Variants in IFT74 observed in about 807,000 individuals in gnomAD.
IFT74 encodes intraflagellar transport 74.
IFT74 carries 92 observed loss-of-function variants against 96.7 expected under a neutral mutation model. The ratio of observed to expected loss-of-function variants is 0.95; its 90% CI spans 0.80 to 1.13. IFT74 has a LOEUF of 1.13. IFT74 is among the 50% of genes most tolerant of loss of function. The probability of loss-of-function intolerance (pLI) is 0.00; values close to 1 mark genes in which losing one functional copy is unlikely to be tolerated. For synonymous variants in IFT74, 223 were observed against 213.2 expected, an observed-to-expected ratio of 1.05 and a Z score of -0.40; for missense variants, 811 against 698.2, an observed-to-expected ratio of 1.16 and a Z score of -1.82.
chr9:26,984,220 A>T, intron 4 of IFT74, 37 bp from the exon 5 acceptor site: 2 of 1,495,418 alleles, frequency 1.3e-6, no homozygotes, highest in Non-Finnish European at 1.8e-6. Flanking sequence ...TTTCTGGATT[A>T]AAAGTATTGC....
intron 13 of IFT74, among the ~76,000 whole-genome samples, chr9:27,029,609 G>C (rs1035586519): frequency 6.6e-6 from 1 of 152,124 alleles, no homozygotes; most frequent in African/African-American, 2.4e-5. Context: ...TTAGCCGGGC[G>C]TGGTGGCACA....
rs116087188 is a variant in IFT74 at position 26,976,913 on chromosome 9, T to C, written c.121-1215T>C. 1,178 of 393,458 alleles carry C rather than the reference T, an allele frequency of 3.0e-3. 17 individuals are homozygous for C. The highest frequency in any genetic ancestry group is 0.022 in the African/African-American group (1,070 of 48,028). 24.4% of individuals were successfully genotyped at this position (393,458 alleles called of 1,614,324 possible). A position where few individuals can be genotyped will look rare whatever the true frequency, so the allele number is the denominator to read the frequency against. Reference sequence around the variant, plus strand: ...AATAATATGAATGCTTGTTTAACAATGTAAGCCCTTTAGTACTTACATGGT... The same window carrying C: ...AATAATATGAATGCTTGTTTAACAACGTAAGCCCTTTAGTACTTACATGGT... On this transcript the variant is annotated intron_variant, in intron 2 of 19. Transcript: ENST00000380062.
In IFT74 at chr9:27,016,954, A is replaced by G; in HGVS notation, c.837A>G (p.Glu279=). ...QVKQEAVLLH[E]KLYELESHRD... ...AACAGGAGGCGGTATTGCTGCATGA[A>G]AAACTTTATGAGTTGGAGTCCCATC... The change falls in exon 11 of 20, where the codon GAA becomes GAG. Residue 279 remains glutamate (E), a synonymous_variant. Transcript: ENST00000380062. 3 of 1,611,294 alleles carry G rather than the reference A, an allele frequency of 1.9e-6. No homozygotes were observed. The highest frequency in any genetic ancestry group is 2.5e-6 in the Non-Finnish European group (3 of 1,178,580).
At chr9:27,056,958 A>G (rs184459331) in intron 18 of IFT74, among the ~76,000 whole-genome samples, 101 of 152,204 alleles carry the variant, frequency 6.6e-4, no homozygotes, top group Non-Finnish European at 6.9e-4. Flanking sequence ...ATTTCTATGC[A>G]TTTATAGAAA....
intron 13 of IFT74, among the ~76,000 whole-genome samples, chr9:27,038,832 C>A (rs1423198614): frequency 6.6e-6 from 1 of 152,200 alleles, no homozygotes; most frequent in Non-Finnish European, 1.5e-5. Flanking sequence ...TATGATCCTT[C>A]AGTGGAACAA....
intron 12 of IFT74, among the ~76,000 whole-genome samples, chr9:27,027,940 G>A (rs116607026): frequency 6.6e-6 from 1 of 152,082 alleles, no homozygotes; most frequent in Non-Finnish European, 1.5e-5. Context: ...TGGTAATTTA[G>A]TTCTTACATT....
At chr9:26,950,739 T>C (rs1825907274) in intron 1 of IFT74, among the ~76,000 whole-genome samples, 1 of 152,232 alleles carries the variant, frequency 6.6e-6, no homozygotes, top group Non-Finnish European at 1.5e-5. Context: ...CACTGTCTGC[T>C]CAACTGAACT....
chr9:26,972,060 G>T (rs1826905003), intron 2 of IFT74, among the ~76,000 whole-genome samples: 1 of 152,062 alleles, frequency 6.6e-6, no homozygotes, highest in Non-Finnish European at 1.5e-5. Flanking sequence ...TGTCTTGAAG[G>T]GAGTTTCTCT....
chr9:26,947,347 G>A (rs1466177588), intron 1 of IFT74: 4 of 378,034 alleles, frequency 1.1e-5, no homozygotes, highest in South Asian at 5.0e-5. Context: ...TTTCCTCCAG[G>A]GCTCTGGACT....
At position 27,055,646 on chromosome 9, in the gene IFT74, G is replaced by A; in HGVS notation, c.1371G>A (p.Glu457=). ...TGCAGTTGGATCTGCAGAAAATGGAGCTTCTAGAAAGTAAGATGACTGAAG... is the reference window on the plus strand; with the variant it reads ...TGCAGTTGGATCTGCAGAAAATGGAACTTCTAGAAAGTAAGATGACTGAAG... ...QRLQLDLQKM[E]LLESKMTEEQ... The change falls in exon 17 of 20, where the codon GAG becomes GAA. Residue 457 remains glutamate, a synonymous_variant. Coordinates refer to ENST00000380062, the MANE Select transcript of IFT74 (RefSeq NM_025103.4). 1.3e-6 allele frequency: 2 copies of A among 1,586,430 alleles called. No individual in the cohort carries two copies. The highest frequency in any genetic ancestry group is 1.7e-6 in the Non-Finnish European group (2 of 1,170,088).
chr9:26,999,772 T>A, intron 8 of IFT74: 101 of 313,722 alleles, frequency 3.2e-4, no homozygotes, highest in Non-Finnish European at 4.3e-4. Flanking sequence ...TGTTTATTCT[T>A]TTTTTTTTTT....
At chr9:26,957,129 G>C (rs1171442664) in intron 1 of IFT74, among the ~76,000 whole-genome samples, 1 of 152,192 alleles carries the variant, frequency 6.6e-6, no homozygotes, top group Admixed American at 6.5e-5. Context: ...GCCTCTCTGT[G>C]TGAATAATTG....
chr9:27,033,578 A>G (rs2131657109), intron 13 of IFT74, among the ~76,000 whole-genome samples: 1 of 151,246 alleles, frequency 6.6e-6, no homozygotes, highest in South Asian at 2.1e-4. Context: ...TGTCTCAAAA[A>G]AAAAAAAAAA....
At chr9:26,994,747 A>T (rs1828056629) in intron 8 of IFT74, 1 of 152,588 alleles carries the variant, frequency 6.6e-6, no homozygotes, top group African/African-American at 2.4e-5. Flanking sequence ...CCACATGAAG[A>T]TTCCTTAGTG....
At chr9:26,960,153 C>T (rs1053515899) in intron 1 of IFT74, among the ~76,000 whole-genome samples, 2 of 152,094 alleles carry the variant, frequency 1.3e-5, no homozygotes, top group Non-Finnish European at 2.9e-5. Context: ...TGGCATGGCT[C>T]AGATTCCTGC....
intron 13 of IFT74, among the ~76,000 whole-genome samples, chr9:27,034,974 C>T (rs1680325791): frequency 6.6e-6 from 1 of 152,108 alleles, no homozygotes. Context: ...GAGGTAATTA[C>T]AGTACCTACC....
intron 13 of IFT74, among the ~76,000 whole-genome samples, chr9:27,030,437 A>G (rs1830066931): frequency 6.6e-6 from 1 of 150,780 alleles, no homozygotes; most frequent in South Asian, 2.1e-4. Context: ...AATCTCAGCT[A>G]CTTGGGAGGC....
intron 19 of IFT74, 93 bp downstream of exon 19, chr9:27,060,744 G>A (rs1266898887): frequency 2.5e-6 from 2 of 791,938 alleles, no homozygotes; most frequent in African/African-American, 3.5e-5. Flanking sequence ...GGGCCACAAG[G>A]TCAGGAGATT....
intron 1 of IFT74, among the ~76,000 whole-genome samples, chr9:26,949,032 C>T (rs1427339353): frequency 6.6e-6 from 1 of 152,096 alleles, no homozygotes; most frequent in Non-Finnish European, 1.5e-5. Flanking sequence ...CTCTGGGGAA[C>T]CAATGCAGTT....
Sources: allele counts gnomAD v4.1 joint callset (sites outside exome capture counted in the v4.1 genomes callset), GRCh38; gene constraint gnomAD v4.1.1; transcripts MANE v1.5; gene names NCBI Gene and HGNC (gene_info 2026-07-23, HGNC 2026-07-21).